The following CNTN1 variants were observed in gnomAD, a reference collection of about 807,000 sequenced individuals.
The protein encoded by CNTN1 is contactin 1.
CNTN1 carries 38 observed loss-of-function variants against 126.4 expected under a neutral mutation model. The observed-to-expected ratio is 0.30, with a 90% CI of 0.23 to 0.39. The LOEUF (loss-of-function observed/expected upper bound fraction) is 0.39. Ranked by LOEUF, CNTN1 falls within the 10% of genes least tolerant of loss-of-function variation. CNTN1 has a pLI of 1.00. For missense variants in CNTN1, 1,009 were observed against 1,248.4 expected, an observed-to-expected ratio of 0.81 and a Z score of 2.89; for synonymous variants, 413 against 422.6, an observed-to-expected ratio of 0.98 and a Z score of 0.28.
chr12:40,716,638 A>C (rs1942057228), intron 1 of CNTN1, among the ~76,000 whole-genome samples: 1 of 152,224 alleles, frequency 6.6e-6, no homozygotes, highest in African/African-American at 2.4e-5. Context: ...GCCTTCAATG[A>C]AAAGGGCATT....
In CNTN1 at chr12:41,033,501, CT is replaced by C. The variant is rs767756238; in HGVS notation, c.2980+4286del. Among the ~76,000 whole-genome samples the C allele has an allele frequency of 5.4e-5, 8 of 148,218 alleles. No homozygotes were observed. The Middle Eastern group carries it at 0.014, about 252-fold the overall frequency. ...TGAGCATGCATATTTTAAGTCTTTA[CT>C]TTTCTTTTTAGTTTTAAATAGACTA... On this transcript the variant is annotated intron_variant, in intron 23 of 23. Transcript: ENST00000551295.
intron 23 of CNTN1, among the ~76,000 whole-genome samples, chr12:41,054,176 G>C (rs566002189): frequency 2.0e-5 from 3 of 151,418 alleles, no homozygotes; most frequent in South Asian, 4.2e-4. Flanking sequence ...TATCCTTTCT[G>C]GTATAAGATT....
intron 1 of CNTN1, among the ~76,000 whole-genome samples, chr12:40,855,227 A>G (rs1193567000): frequency 2.6e-5 from 4 of 152,112 alleles, no homozygotes; most frequent in Non-Finnish European, 5.9e-5. Context: ...ATATCATCTC[A>G]TATACTTGTG....
In CNTN1 at chr12:41,070,155, C is replaced by T; in HGVS notation, c.*120C>T. The T allele has an allele frequency of 1.2e-6, 1 of 843,350 alleles. No homozygotes were observed. Among genetic ancestry groups the T allele is most frequent in the Non-Finnish European group, 2.0e-6 (1 of 503,474 alleles). The allele number at this position is 843,350 out of a possible 1,614,324, so 52.2% of individuals were successfully genotyped here. A position where few individuals can be genotyped will look rare whatever the true frequency, so the allele number is the denominator to read the frequency against. On this transcript the variant is annotated 3_prime_UTR_variant, in exon 24 of 24. Transcript: ENST00000551295. ...CTAAGCCAAATAAATTATACTTTAACAAACTATTCAACTGATTTACAACAC... is the reference window on the plus strand; with the variant it reads ...CTAAGCCAAATAAATTATACTTTAATAAACTATTCAACTGATTTACAACAC...
At chr12:40,902,871 A>G (rs558386430) in intron 1 of CNTN1, among the ~76,000 whole-genome samples, 1 of 152,200 alleles carries the variant, frequency 6.6e-6, no homozygotes, top group African/African-American at 2.4e-5. Context: ...AGAAAAATGC[A>G]TATCTAGATA....
intron 17 of CNTN1, among the ~76,000 whole-genome samples, chr12:40,994,037 C>G (rs1177692722): frequency 6.6e-6 from 1 of 151,844 alleles, no homozygotes; most frequent in Non-Finnish European, 1.5e-5. Context: ...TATTATTATT[C>G]TTAAAAAATA....
intron 23 of CNTN1, among the ~76,000 whole-genome samples, chr12:41,052,972 A>C (rs1949720196): frequency 6.6e-6 from 1 of 151,912 alleles, no homozygotes; most frequent in African/African-American, 2.4e-5. Flanking sequence ...ACAAGAAGAA[A>C]AATGAATTAA....
At position 40,798,571 on chromosome 12, in the gene CNTN1, A is replaced by G. The variant is rs77189695; in HGVS notation, c.-77+105979A>G. On this transcript the variant is annotated intron_variant, in intron 1 of 23. Transcript: ENST00000551295. ...ACCACTCAGCCATTAAAAAAAGAAC[A>G]AGATCATATCCTTTGCAGGGACAAG... 8.9e-3 allele frequency among the ~76,000 whole-genome samples: 1,346 copies of G among 152,038 alleles called. 29 individuals are homozygous for G. The highest frequency in any genetic ancestry group is 0.031 in the African/African-American group (1,266 of 41,508).
intron 1 of CNTN1, among the ~76,000 whole-genome samples, chr12:40,902,295 G>A (rs1283200582): frequency 6.6e-6 from 1 of 152,118 alleles, no homozygotes; most frequent in African/African-American, 2.4e-5. Context: ...GAAGATGAAG[G>A]GACTTGAGCA....
intron 1 of CNTN1, among the ~76,000 whole-genome samples, chr12:40,860,569 T>TTACACA (rs1453767661): frequency 2.0e-5 from 3 of 152,170 alleles, no homozygotes; most frequent in African/African-American, 7.2e-5. Context: ...AATAAATTGC[T>TTACACA]GTAATGTCTC....
intron 15 of CNTN1, chr12:40,978,845 T>C (rs1947750080): frequency 6.6e-6 from 1 of 152,194 alleles, no homozygotes; most frequent in Admixed American, 6.6e-5. Flanking sequence ...CCTTTAACGT[T>C]TTCTGAATGC....
chr12:41,011,025 T>A (rs755626772), intron 17 of CNTN1, among the ~76,000 whole-genome samples: 1 of 152,204 alleles, frequency 6.6e-6, no homozygotes, highest in South Asian at 2.1e-4. Flanking sequence ...GCTTTTCCAC[T>A]GTGGTTAGGA....
In CNTN1 at chr12:41,015,086, G is replaced by T. The variant is rs1043257904; in HGVS notation, c.2184+788G>T. Among the ~76,000 whole-genome samples the T allele has an allele frequency of 3.9e-5, 6 of 151,988 alleles. No individual in the cohort carries two copies. The South Asian group carries it at 1.0e-3, about 26-fold the overall frequency. ...AATGACAGGTTTTATTCTTTGCATT[G>T]GTCAAATGGATTTATTTAATAAATG... On this transcript the variant is annotated intron_variant, in intron 18 of 23. Transcript: ENST00000551295.
intron 1 of CNTN1, among the ~76,000 whole-genome samples, chr12:40,857,626 G>A (rs1475588785): frequency 6.6e-6 from 1 of 152,146 alleles, no homozygotes; most frequent in Non-Finnish European, 1.5e-5. Flanking sequence ...AGTCAAGTCA[G>A]AACCTTGATG....
intron 1 of CNTN1, among the ~76,000 whole-genome samples, chr12:40,825,922 C>A (rs1237408599): frequency 6.6e-6 from 1 of 151,936 alleles, no homozygotes; most frequent in Non-Finnish European, 1.5e-5. Flanking sequence ...ACAATTGAAT[C>A]CTGAAACTTA....
chr12:40,982,132 G>C (rs1947836076), intron 16 of CNTN1, among the ~76,000 whole-genome samples: 1 of 152,004 alleles, frequency 6.6e-6, no homozygotes, highest in Non-Finnish European at 1.5e-5. Flanking sequence ...TCTGTTGCAA[G>C]GATTTAGGAT....
chr12:41,048,435 C>T (rs1053288061), intron 23 of CNTN1, among the ~76,000 whole-genome samples: 5 of 152,142 alleles, frequency 3.3e-5, no homozygotes, highest in Non-Finnish European at 7.3e-5. Flanking sequence ...TCGACACCTA[C>T]ACATACGCCC....
intron 1 of CNTN1, among the ~76,000 whole-genome samples, chr12:40,849,377 A>G (rs1423552969): frequency 1.3e-5 from 2 of 152,148 alleles, no homozygotes; most frequent in African/African-American, 4.8e-5. Flanking sequence ...GGAAAGTAAA[A>G]CATAAACAAA....
At chr12:41,044,178 A>T (rs1362661414) in intron 23 of CNTN1, among the ~76,000 whole-genome samples, 1 of 151,888 alleles carries the variant, frequency 6.6e-6, no homozygotes, top group Admixed American at 6.6e-5. Flanking sequence ...AAAATAAAAT[A>T]AAAAATTCAG....
Sources: allele counts gnomAD v4.1 joint callset (sites outside exome capture counted in the v4.1 genomes callset), GRCh38; gene constraint gnomAD v4.1.1; transcripts MANE v1.5; gene names NCBI Gene and HGNC (gene_info 2026-07-23, HGNC 2026-07-21).